The following ANKRD6 variants were observed in gnomAD, a reference collection of about 807,000 sequenced individuals.
The protein encoded by ANKRD6 is ankyrin repeat domain 6, also known as ankyrin repeat domain-containing protein 6.
Under a neutral mutation model 82.3 loss-of-function variants are expected in ANKRD6, and 56 were observed. The observed-to-expected ratio is 0.68, with a 90% CI of 0.55 to 0.85. ANKRD6 has a LOEUF of 0.85. Among genes scored for constraint, ANKRD6 ranks in the 40% least tolerant of loss-of-function variants. The pLI, the probability that ANKRD6 is intolerant of heterozygous loss-of-function variation, is 0.00. For missense variants in ANKRD6, 852 were observed against 907.6 expected (o/e 0.94, Z 0.79); for synonymous variants, 347 against 352.1 (o/e 0.99, Z 0.16).
chr6:89,477,103 C>T (rs1028201151), intron 1 of ANKRD6, among the ~76,000 whole-genome samples: 2 of 152,128 alleles, frequency 1.3e-5, no homozygotes, highest in African/African-American at 2.4e-5. Flanking sequence ...CCCTACCACG[C>T]CCGGCTAATT....
intron 1 of ANKRD6, among the ~76,000 whole-genome samples, chr6:89,535,447 C>T (rs546747577): frequency 6.6e-6 from 1 of 152,172 alleles, no homozygotes; most frequent in Non-Finnish European, 1.5e-5. Context: ...AAAATACAAG[C>T]ACACACACTC....
At chr6:89,476,470 T>C (rs1776050786) in intron 1 of ANKRD6, among the ~76,000 whole-genome samples, 1 of 152,206 alleles carries the variant, frequency 6.6e-6, no homozygotes, top group Admixed American at 6.5e-5. Flanking sequence ...ACCCAGCCAA[T>C]ATGTGTGTAT....
intron 9 of ANKRD6, among the ~76,000 whole-genome samples, chr6:89,618,771 A>G (rs998392903): frequency 2.6e-5 from 4 of 152,336 alleles, no homozygotes; most frequent in East Asian, 3.9e-4. Flanking sequence ...TTATAAAACA[A>G]TGTTCTGCAG....
At chr6:89,508,130 T>C (rs1327111122) in intron 1 of ANKRD6, among the ~76,000 whole-genome samples, 2 of 152,238 alleles carry the variant, frequency 1.3e-5, no homozygotes, top group African/African-American at 4.8e-5. Context: ...ACCCCAAACT[T>C]AGTACTTTAT....
At position 89,433,189 on chromosome 6, in the gene ANKRD6, A is replaced by T. The variant is rs1171179947; in HGVS notation, c.-330A>T. 1 of 151,408 alleles carries T rather than the reference A, an allele frequency of 6.6e-6. No individual in the cohort carries two copies. The highest frequency in any genetic ancestry group is 6.6e-5 in the Admixed American group (1 of 15,178). 9.4% of individuals were successfully genotyped at this position (151,408 alleles called of 1,614,324 possible). A position where few individuals can be genotyped will look rare whatever the true frequency, so the allele number is the denominator to read the frequency against. Reference sequence around the variant, plus strand: ...GGCGGCGGACGCGGCGGGCTCGGCCACAGGTAACCCGCAGGAGCCGAGAGC... The same window carrying T: ...GGCGGCGGACGCGGCGGGCTCGGCCTCAGGTAACCCGCAGGAGCCGAGAGC... On this transcript the variant is annotated 5_prime_UTR_variant, in exon 1 of 16. Transcript: ENST00000339746. The surrounding 1 kb of genome is among the most constrained non-coding windows in gnomAD (Gnocchi z 4.3).
chr6:89,458,866 G>A (rs140724766), intron 1 of ANKRD6, among the ~76,000 whole-genome samples: 1 of 152,238 alleles, frequency 6.6e-6, no homozygotes, highest in African/African-American at 2.4e-5. Flanking sequence ...GAGCTGTGTC[G>A]TGGTCTTGGC....
At chr6:89,542,065 C>A (rs1181313459) in intron 1 of ANKRD6, among the ~76,000 whole-genome samples, 2 of 151,434 alleles carry the variant, frequency 1.3e-5, no homozygotes, top group Non-Finnish European at 2.9e-5. Context: ...GTATTTTTCT[C>A]TTTTCTAATG....
intron 1 of ANKRD6, among the ~76,000 whole-genome samples, chr6:89,505,784 C>T (rs577968583): frequency 1.3e-5 from 2 of 152,348 alleles, no homozygotes; most frequent in African/African-American, 4.8e-5. Flanking sequence ...GAGACATCAG[C>T]ACCCCACGTT....
chr6:89,592,154 C>T (rs894022186), intron 2 of ANKRD6, among the ~76,000 whole-genome samples: 1 of 152,214 alleles, frequency 6.6e-6, no homozygotes, highest in African/African-American at 2.4e-5. Flanking sequence ...CTGGACCCTC[C>T]AGCCATAGCC....
At chr6:89,480,122 C>T (rs1241168916) in intron 1 of ANKRD6, among the ~76,000 whole-genome samples, 4 of 152,206 alleles carry the variant, frequency 2.6e-5, no homozygotes, top group African/African-American at 9.6e-5. Context: ...GCTGGTTTCT[C>T]ACCAGCTGGT....
chr6:89,462,568 C>T (rs1460813169), intron 1 of ANKRD6, among the ~76,000 whole-genome samples: 2 of 152,144 alleles, frequency 1.3e-5, no homozygotes, highest in African/African-American at 2.4e-5. Flanking sequence ...TGACTGATTA[C>T]ACTAACTAGA....
At chr6:89,580,947 C>A (rs907729244) in intron 2 of ANKRD6, among the ~76,000 whole-genome samples, 1 of 152,066 alleles carries the variant, frequency 6.6e-6, no homozygotes, top group East Asian at 1.9e-4. Context: ...TCCAAAGGAC[C>A]CCATACACTT....
chr6:89,536,780 A>G (rs1277859804), intron 1 of ANKRD6, among the ~76,000 whole-genome samples: 1 of 152,210 alleles, frequency 6.6e-6, no homozygotes, highest in Non-Finnish European at 1.5e-5. Context: ...GCTCTAGGAC[A>G]TATTGCAAGC....
chr6:89,515,143 T>A (rs1329686465), intron 1 of ANKRD6, among the ~76,000 whole-genome samples: 5 of 152,230 alleles, frequency 3.3e-5, no homozygotes, highest in African/African-American at 4.8e-5. Context: ...TTTCTTTCAT[T>A]TGAATTGATT....
chr6:89,518,356 C>T (rs190849877), intron 1 of ANKRD6, among the ~76,000 whole-genome samples: 14 of 151,376 alleles, frequency 9.2e-5, no homozygotes, highest in East Asian at 3.9e-4. Flanking sequence ...GAGCCGAGAT[C>T]GCGCCATTGC....
At chr6:89,498,958 C>T (rs943854252) in intron 1 of ANKRD6, among the ~76,000 whole-genome samples, 6 of 152,190 alleles carry the variant, frequency 3.9e-5, no homozygotes, top group African/African-American at 1.2e-4. Flanking sequence ...CAACCACTCT[C>T]TCACTTGCCT....
chr6:89,613,829 A>G lies in ANKRD6; in HGVS notation c.554A>G (p.Asn185Ser), dbSNP rs776702538. The G allele has an allele frequency of 6.2e-7, 1 of 1,614,036 alleles. No homozygotes were observed. Among genetic ancestry groups the G allele is most frequent in the Admixed American group, 1.7e-5 (1 of 60,026 alleles). The change falls in exon 7 of 16, where the codon AAT (asparagine) becomes AGT (serine). Residue 185 changes from asparagine (N) to serine (S), a missense_variant. Coordinates refer to ENST00000339746, the MANE Select transcript of ANKRD6 (RefSeq NM_001242809.2). ...TGTTTGCACGTTGCTGCGCGCTATA[A>G]TCACTTGTCCATCATTAGGCTCCTC... ...DTCLHVAARY[N>S]HLSIIRLLLT...
chr6:89,521,751 T>C (rs1484310549), intron 1 of ANKRD6, among the ~76,000 whole-genome samples: 1 of 151,818 alleles, frequency 6.6e-6, no homozygotes, highest in East Asian at 1.9e-4. Flanking sequence ...TTTGTAAAAA[T>C]TTTTTTCCTT....
chr6:89,588,907 C>T (rs1057176354), intron 2 of ANKRD6, among the ~76,000 whole-genome samples: 11 of 148,500 alleles, frequency 7.4e-5, no homozygotes, highest in African/African-American at 2.5e-4. Context: ...GCAGGAGAAT[C>T]GCTTGAACCC....
Sources: allele counts gnomAD v4.1 joint callset (sites outside exome capture counted in the v4.1 genomes callset), GRCh38; gene constraint gnomAD v4.1.1; non-coding constraint Gnocchi (gnomAD v3.1); transcripts MANE v1.5; gene names NCBI Gene and HGNC (gene_info 2026-07-23, HGNC 2026-07-21).